ANKRD36C: variants seen among roughly 807,000 people sequenced by gnomAD.
ANKRD36C encodes ankyrin repeat domain 36C.
Under a neutral mutation model 276.4 loss-of-function variants are expected in ANKRD36C, and 61 were observed. The ratio of observed to expected loss-of-function variants is 0.22; its 90% CI spans 0.18 to 0.27. ANKRD36C has a LOEUF of 0.27. Ranked by LOEUF, ANKRD36C falls within the 10% of genes least tolerant of loss-of-function variation. ANKRD36C has a pLI of 1.00. For missense variants in ANKRD36C, 1,447 were observed against 2,032.3 expected (o/e 0.71, Z 5.54); for synonymous variants, 483 against 680.1 (o/e 0.71, Z 4.51).
At chr2:95,964,754 T>A (rs181528148) in intron 6 of ANKRD36C, among the ~76,000 whole-genome samples, 15 of 152,156 alleles carry the variant, frequency 9.9e-5, no homozygotes, top group Admixed American at 7.9e-4. Context: ...TATCATAGGC[T>A]CAGCAGCCTA....
chr2:95,977,507 C>T (rs1678836287), intron 6 of ANKRD36C, among the ~76,000 whole-genome samples: 1 of 151,934 alleles, frequency 6.6e-6, no homozygotes, highest in Non-Finnish European at 1.5e-5. Context: ...AGTAAATTTA[C>T]TTTATTTTAC....
chr2:95,908,780 C>T (rs1676823457), intron 42 of ANKRD36C, 83 bp from the exon 47 acceptor site: 29 of 1,525,284 alleles, frequency 1.9e-5, no homozygotes, highest in Non-Finnish European at 2.5e-5. Context: ...TAGCATCAAC[C>T]TCTGTCCTCC....
chr2:95,969,867 T>A (rs1228252212), intron 6 of ANKRD36C, among the ~76,000 whole-genome samples: 2 of 152,062 alleles, frequency 1.3e-5, no homozygotes, highest in Non-Finnish European at 2.9e-5. Flanking sequence ...CCATTAGATA[T>A]TATTAATCTC....
intron 24 of ANKRD36C, among the ~76,000 whole-genome samples, chr2:95,929,553 T>C (rs1677508668): frequency 2.0e-5 from 3 of 151,618 alleles, no homozygotes; most frequent in Admixed American, 2.0e-4. Context: ...AATGTGGATA[T>C]GCTGAGTGAT....
Position 95,855,872 on chromosome 2 carries a change from TTC to T in ANKRD36C, c.4387_4388del (p.Glu1463AsnfsTer7). 1 of 1,613,896 alleles carries T rather than the reference TTC, an allele frequency of 6.2e-7. No homozygotes were observed. Among genetic ancestry groups the T allele is most frequent in the East Asian group, 2.2e-5 (1 of 44,882 alleles). ...TCAGTCTACAACGGTATGATTGCAT[TTC>T]TGTTTCCAGTCTTTGCCCGCTCTCT... On this transcript the variant is annotated frameshift_variant, in exon 63 of 67. Coordinates refer to ENST00000456556, the Ensembl canonical transcript of ANKRD36C. LOFTEE classifies it high-confidence loss of function.
chr2:95,880,301 CATT>C (rs1366765465), intron 58 of ANKRD36C, 123 bp downstream of exon 78: 1 of 1,082,942 alleles, frequency 9.2e-7, no homozygotes. Flanking sequence ...ATAACAGCTG[CATT>C]ATTTAGATGA....
intron 20 of ANKRD36C, among the ~76,000 whole-genome samples, chr2:95,940,280 C>T (rs373001221): frequency 0.038 from 3,989 of 104,274 alleles, no homozygotes; most frequent in African/African-American, 0.07. Context: ...CCTCAGCCTC[C>T]CAAAGTGCTG....
At chr2:95,920,059 G>A in intron 34 of ANKRD36C, 139 bp from the exon 35 acceptor site, 1 of 1,066,312 alleles carries the variant, frequency 9.4e-7, no homozygotes, top group South Asian at 1.4e-5. Context: ...TTGTGTCTTG[G>A]GACTGGAACA....
rs751197940 is a variant in ANKRD36C at position 95,962,420 on chromosome 2, G to A, written c.833C>T (p.Thr278Ile). 2.5e-6 allele frequency: 4 copies of A among 1,574,080 alleles called. No homozygotes were observed. The South Asian group carries it at 3.4e-5, about 14-fold the overall frequency. The stretch of plus-strand genomic sequence containing the variant: ...CGAGATAGAATCTTCCTTGCCACTT[G>A]TAGCCTGAGTGGGATTTGAAACAAA... Residue 278 changes from threonine to isoleucine, a missense_variant, in exon 8 of 67, where the codon ACA becomes ATA. By Grantham distance (89) the Thr-to-Ile change is moderately conservative. Transcript: ENST00000456556.
intron 16 of ANKRD36C, among the ~76,000 whole-genome samples, chr2:95,949,495 C>T (rs1387776856): frequency 6.6e-6 from 1 of 152,166 alleles, no homozygotes; most frequent in Non-Finnish European, 1.5e-5. Flanking sequence ...CAATCTACAT[C>T]TTCAAATTTG....
At position 95,969,914 on chromosome 2, in the gene ANKRD36C, G is replaced by GAT. The variant is rs561824222; in HGVS notation, c.800-7369_800-7368dup. Among the ~76,000 whole-genome samples the GAT allele has an allele frequency of 1.3e-4, 20 of 151,226 alleles. 1 individual carries two copies. In the East Asian group the frequency reaches 2.9e-3, roughly 22 times the overall value. On this transcript the variant is annotated intron_variant, in intron 6 of 66. Transcript: ENST00000456556. ...AATTTATGCATTAAATTTTATTATA[G>GAT]ATATATATATATTTTTATAAATTAT...
intron 60 of ANKRD36C, among the ~76,000 whole-genome samples, chr2:95,863,178 C>T (rs1271755295): frequency 3.3e-5 from 5 of 152,006 alleles, no homozygotes; most frequent in Non-Finnish European, 7.4e-5. Flanking sequence ...ATAGATTCTA[C>T]AGATACTAAA....
intron 38 of ANKRD36C, 126 bp downstream of exon 40, chr2:95,915,854 A>T (rs1677077045): frequency 1.5e-5 from 20 of 1,322,804 alleles, no homozygotes; most frequent in Middle Eastern, 2.6e-4. Flanking sequence ...AACTTATTAG[A>T]AATGAAGAAT....
At chr2:95,875,241 T>C (rs1675916076) in intron 59 of ANKRD36C, among the ~76,000 whole-genome samples, 1 of 152,046 alleles carries the variant, frequency 6.6e-6, no homozygotes, top group Admixed American at 6.6e-5. Flanking sequence ...GTATGTTTAT[T>C]GCGGCACTAT....
chr2:95,957,791 A>G (rs1678365850), intron 12 of ANKRD36C, among the ~76,000 whole-genome samples: 1 of 152,250 alleles, frequency 6.6e-6, no homozygotes, highest in South Asian at 2.1e-4. Flanking sequence ...TCATTCTCTA[A>G]AGTATTTTCA....
chr2:95,914,197 A>T lies in ANKRD36C; in HGVS notation c.2479-17T>A. ...ACTTGTAGCCTGAATGGAATTTGAAATGAAATAATAAGTTAATAAAGTATG... is the reference window on the plus strand; with the variant it reads ...ACTTGTAGCCTGAATGGAATTTGAATTGAAATAATAAGTTAATAAAGTATG... On this transcript the variant is annotated splice_polypyrimidine_tract_variant and intron_variant, in intron 39 of 66. Transcript: ENST00000456556. 1.3e-6 allele frequency: 2 copies of T among 1,577,384 alleles called. No homozygotes were observed. Among genetic ancestry groups the T allele is most frequent in the Non-Finnish European group, 1.7e-6 (2 of 1,159,410 alleles).
intron 60 of ANKRD36C, 102 bp downstream of exon 80, chr2:95,867,338 A>G (rs1323316762): frequency 1.3e-5 from 8 of 601,726 alleles, no homozygotes; most frequent in Non-Finnish European, 2.4e-5. Context: ...TGAGATGAAC[A>G]TTCTTGTAAC....
chr2:95,944,698 C>T lies in ANKRD36C; in HGVS notation c.1424-4G>A, dbSNP rs1407239398. On this transcript the variant is annotated splice_polypyrimidine_tract_variant and splice_region_variant and intron_variant, in intron 18 of 66. Transcript: ENST00000456556. ...TCAATGCCACATGCAGCATCTACTA[C>T]AGTAAAAACAAAGTCAAGAGTAGAT... 7 of 1,536,818 alleles carry T rather than the reference C, an allele frequency of 4.6e-6. No homozygotes were observed. The highest frequency in any genetic ancestry group is 6.1e-6 in the Non-Finnish European group (7 of 1,146,692).
At chr2:95,933,206 G>T (rs1677616441) in intron 24 of ANKRD36C, among the ~76,000 whole-genome samples, 1 of 152,298 alleles carries the variant, frequency 6.6e-6, no homozygotes, top group African/African-American at 2.4e-5. Flanking sequence ...GTAGTTTGAA[G>T]TCAGGTAGCG....
Sources: gnomAD v4.1 joint callset for allele counts (sites outside exome capture counted in the v4.1 genomes callset) on GRCh38, gnomAD v4.1.1 for gene constraint, MANE v1.5 for transcripts, NCBI Gene and HGNC (gene_info 2026-07-23, HGNC 2026-07-21) for gene names.